NKAIN2: variants seen among roughly 807,000 people sequenced by gnomAD.
NKAIN2 encodes sodium/potassium transporting ATPase interacting 2.
In NKAIN2, 14 loss-of-function variants were observed where a neutral mutation model predicts 32.6. The observed-to-expected ratio is 0.43, with a 90% confidence interval of 0.28 to 0.67. The LOEUF (loss-of-function observed/expected upper bound fraction) is 0.67. Among genes scored for constraint, NKAIN2 ranks in the 30% least tolerant of loss-of-function variants. NKAIN2 has a pLI of 0.17. For synonymous variants in NKAIN2, 80 were observed against 87.2 expected (o/e 0.92, Z 0.46); for missense variants, 198 against 258.3 (o/e 0.77, Z 1.60).
intron 3 of NKAIN2, among the ~76,000 whole-genome samples, chr6:124,589,594 T>C (rs1263431319): frequency 2.0e-5 from 3 of 152,326 alleles, no homozygotes; most frequent in East Asian, 1.9e-4. Context: ...TACATCTCAA[T>C]TGCAAAACAT....
chr6:124,767,405 A>G (rs1408701162), intron 4 of NKAIN2, among the ~76,000 whole-genome samples: 1 of 152,096 alleles, frequency 6.6e-6, no homozygotes, highest in Non-Finnish European at 1.5e-5. Context: ...TGAAAGTGGG[A>G]CTATTGTGGT....
At chr6:124,634,097 A>G (rs1000184326) in intron 3 of NKAIN2, among the ~76,000 whole-genome samples, 39 of 146,170 alleles carry the variant, frequency 2.7e-4, no homozygotes, top group African/African-American at 9.2e-4. Context: ...TCTACAGGGG[A>G]AAAAAAAAAA....
At chr6:124,159,667 A>G (rs968986052) in intron 1 of NKAIN2, among the ~76,000 whole-genome samples, 1 of 152,150 alleles carries the variant, frequency 6.6e-6, no homozygotes, top group Admixed American at 6.6e-5. Flanking sequence ...CGAGTGCAAT[A>G]GTGAACTGAC....
intron 1 of NKAIN2, among the ~76,000 whole-genome samples, chr6:124,098,426 G>A (rs1383998697): frequency 6.6e-6 from 1 of 152,036 alleles, no homozygotes; most frequent in East Asian, 1.9e-4. Flanking sequence ...ATAATACTGA[G>A]TAATTAAATA....
chr6:124,718,715 G>T (rs574693774), intron 4 of NKAIN2, among the ~76,000 whole-genome samples: 2 of 152,110 alleles, frequency 1.3e-5, no homozygotes, highest in African/African-American at 4.8e-5. Context: ...TCTGAGCCTC[G>T]GTTTTTTTCA....
At chr6:124,088,048 C>G (rs189162343) in intron 1 of NKAIN2, among the ~76,000 whole-genome samples, 1 of 151,928 alleles carries the variant, frequency 6.6e-6, no homozygotes, top group Non-Finnish European at 1.5e-5. Context: ...ATAAGCAGTG[C>G]ACGTTAGAGT....
intron 3 of NKAIN2, among the ~76,000 whole-genome samples, chr6:124,610,413 T>C (rs1169317129): frequency 6.6e-6 from 1 of 152,198 alleles, no homozygotes; most frequent in Non-Finnish European, 1.5e-5. Context: ...TAAATATGCA[T>C]TGGAAAAAGT....
chr6:124,658,253 G>A lies in NKAIN2; in HGVS notation c.341G>A (p.Gly114Glu). Residue 114 changes from glycine (G) to glutamate (E), a missense_variant, in exon 4 of 7, where the codon GGA becomes GAA. Coordinates refer to ENST00000368417, the MANE Select transcript of NKAIN2 (RefSeq NM_001040214.3). The part of the protein sequence containing the change: ...HRSWWMENGP[G>E]CTVTSVTPAP... ...TCTTGGTGGATGGAGAATGGACCAGGATGTACGGTGACGTCAGTGACACCT... is the reference window on the plus strand; with the variant it reads ...TCTTGGTGGATGGAGAATGGACCAGAATGTACGGTGACGTCAGTGACACCT... 6.2e-7 allele frequency: 1 copy of A among 1,614,024 alleles called. No homozygotes were observed. The highest frequency in any genetic ancestry group is 8.5e-7 in the Non-Finnish European group (1 of 1,179,966).
intron 3 of NKAIN2, among the ~76,000 whole-genome samples, chr6:124,359,757 C>G (rs529178809): frequency 6.6e-6 from 1 of 152,016 alleles, no homozygotes; most frequent in South Asian, 2.1e-4. Flanking sequence ...AATTGAATAC[C>G]CTTTATTTGC....
At chr6:124,572,991 C>T (rs919006655) in intron 3 of NKAIN2, among the ~76,000 whole-genome samples, 2 of 152,054 alleles carry the variant, frequency 1.3e-5, no homozygotes, top group Admixed American at 6.6e-5. Flanking sequence ...AGGCGCGTGA[C>T]ACCATGCCCG....
chr6:123,875,019 C>T (rs536715122), intron 1 of NKAIN2, among the ~76,000 whole-genome samples: 8 of 151,886 alleles, frequency 5.3e-5, no homozygotes, highest in South Asian at 2.1e-4. Context: ...CTATTTTATA[C>T]GACTTTTCCA....
intron 5 of NKAIN2, among the ~76,000 whole-genome samples, chr6:124,792,661 A>G (rs1779798121): frequency 6.6e-6 from 1 of 152,144 alleles, no homozygotes; most frequent in African/African-American, 2.4e-5. Flanking sequence ...GAAGGTTTAT[A>G]GAGAACAGTT....
At chr6:124,135,672 T>A (rs988105775) in intron 1 of NKAIN2, among the ~76,000 whole-genome samples, 2 of 151,944 alleles carry the variant, frequency 1.3e-5, no homozygotes, top group Admixed American at 1.3e-4. Flanking sequence ...TGAAATCATA[T>A]CAAGTGTCAT....
chr6:124,167,942 G>A (rs551541700), intron 1 of NKAIN2, among the ~76,000 whole-genome samples: 1 of 152,264 alleles, frequency 6.6e-6, no homozygotes, highest in Non-Finnish European at 1.5e-5. Context: ...CAAAGTACAT[G>A]TGACCATAGA....
At position 123,909,690 on chromosome 6, in the gene NKAIN2, A is replaced by G. The variant is rs545502326; in HGVS notation, c.54+105436A>G. On this transcript the variant is annotated intron_variant, in intron 1 of 6. Coordinates refer to ENST00000368417, the MANE Select transcript of NKAIN2 (RefSeq NM_001040214.3). The stretch of plus-strand genomic sequence containing the variant: ...TTGCCTTGTCTGGCCACCCAGACCT[A>G]ATCTAGGGCCTCTTTATGTGTTCCA... 1.2e-4 allele frequency among the ~76,000 whole-genome samples: 18 copies of G among 152,258 alleles called. 1 individual carries two copies. The South Asian group carries it at 3.5e-3, about 30-fold the overall frequency.
At chr6:124,619,412 A>T (rs561291189) in intron 3 of NKAIN2, among the ~76,000 whole-genome samples, 1 of 152,294 alleles carries the variant, frequency 6.6e-6, no homozygotes, top group East Asian at 1.9e-4. Context: ...TTGTTGAAAA[A>T]CTATAAAATA....
At chr6:124,806,136 G>C (rs2114844867) in intron 5 of NKAIN2, among the ~76,000 whole-genome samples, 1 of 152,138 alleles carries the variant, frequency 6.6e-6, no homozygotes, top group South Asian at 2.1e-4. Flanking sequence ...GAAATACAGA[G>C]AACACCACAA....
chr6:124,807,215 C>A (rs1029802636), intron 5 of NKAIN2, among the ~76,000 whole-genome samples: 5 of 152,156 alleles, frequency 3.3e-5, no homozygotes, highest in African/African-American at 1.2e-4. Flanking sequence ...CACACCTATT[C>A]CAAAATTGAC....
chr6:124,805,083 AGCAGTAACCTCT>A (rs575006969), intron 5 of NKAIN2, among the ~76,000 whole-genome samples: 3,272 of 152,324 alleles, frequency 0.021, 55 homozygotes, highest in Middle Eastern at 0.041. Flanking sequence ...ACAAAAAGAC[AGCAGTAACCTCT>A]GCAGACTTAA....
Sources: allele counts gnomAD v4.1 joint callset (sites outside exome capture counted in the v4.1 genomes callset), GRCh38; gene constraint gnomAD v4.1.1; transcripts MANE v1.5; gene names NCBI Gene and HGNC (gene_info 2026-07-23, HGNC 2026-07-21).